ABCC10: variants seen among roughly 807,000 people sequenced by gnomAD.
ABCC10 encodes the protein ATP-binding cassette sub-family C member 10.
In ABCC10, 110 loss-of-function variants were observed where a neutral mutation model predicts 143.2. The ratio of observed to expected loss-of-function variants is 0.77; its 90% CI spans 0.66 to 0.90. The LOEUF (loss-of-function observed/expected upper bound fraction) is 0.90. Among genes scored for constraint, ABCC10 ranks in the 40% least tolerant of loss-of-function variants. ABCC10 has a pLI of 0.00. For synonymous variants in ABCC10, 805 were observed against 846.7 expected, an observed-to-expected ratio of 0.95 and a Z score of 0.85; for missense variants, 1,700 against 1,900.5, an observed-to-expected ratio of 0.89 and a Z score of 1.96.
chr6:43,445,996 G>A, intron 15 of ABCC10, 54 bp downstream of exon 15: 1 of 1,537,304 alleles, frequency 6.5e-7, no homozygotes, highest in Non-Finnish European at 8.8e-7. Context: ...GGAAAAGAGA[G>A]ACCCCCAAGA....
intron 6 of ABCC10, among the ~76,000 whole-genome samples, chr6:43,437,117 C>G (rs1188396626): frequency 2.6e-5 from 4 of 152,196 alleles, no homozygotes; most frequent in African/African-American, 4.8e-5. Context: ...CTGTGTGCCT[C>G]TCTCCCTGTA....
rs1377547969 is a variant in ABCC10, at chr6:43,433,012, T to C, written c.1032T>C (p.Tyr344=). The C allele has an allele frequency of 6.2e-7, 1 of 1,614,032 alleles. No individual in the cohort carries two copies. The highest frequency in any genetic ancestry group is 1.3e-5 in the African/African-American group (1 of 74,998). The change falls in exon 3 of 22, where the codon TAT becomes TAC. Residue 344 remains tyrosine (Y), a synonymous_variant. Transcript: ENST00000372530. ...AVLGAVLQNQ[Y]GYEVYKVTLQ... ...TGGGTGCTGTGCTGCAGAATCAGTA[T>C]GGGTATGAGGTATATAAGGTAACAC...
Position 43,427,989 on chromosome 6 carries a change from T to C in ABCC10, c.11T>C (p.Leu4Pro). The C allele has an allele frequency of 6.2e-7, 1 of 1,611,990 alleles. No individual in the cohort carries two copies. Among genetic ancestry groups the C allele is most frequent in the South Asian group, 1.1e-5 (1 of 90,890 alleles). The change falls in exon 2 of 22, where the codon CTT becomes CCT. Residue 4 changes from leucine to proline, a missense_variant. Physicochemically the swap from Leu to Pro is moderately conservative, Grantham distance 98. Transcript: ENST00000372530. Reference protein sequence around the residue: MERLLAQLCGSSAA... With the variant: MERPLAQLCGSSAA... The stretch of plus-strand genomic sequence containing the variant: ...TCAGGTGAGGCGTCCATGGAACGAC[T>C]TCTGGCCCAGCTGTGCGGCAGCAGC...
chr6:43,441,807 G>C (rs1782502471), intron 8 of ABCC10, 55 bp from the exon 9 acceptor site: 1 of 1,453,160 alleles, frequency 6.9e-7, no homozygotes, highest in South Asian at 1.2e-5. Context: ...GGGATAGGAA[G>C]TGGGCCAGAA....
At chr6:43,447,567 TCA>T (rs879899205) in intron 17 of ABCC10, 115 bp from the exon 18 acceptor site, 4 of 1,557,284 alleles carry the variant, frequency 2.6e-6, no homozygotes, top group Middle Eastern at 2.1e-4. Context: ...TCCCCATCTC[TCA>T]TTCTCTCATT....
At chr6:43,451,993 T>C (rs1783777998), downstream of ABCC10, 1 of 1,614,054 alleles carries the variant, frequency 6.2e-7, no homozygotes, top group South Asian at 1.1e-5. This position sits in a 1 kb window ranked among gnomAD's most constrained non-coding sequence, Gnocchi z 4.4. Context: ...CATGGAAGCC[T>C]GGTAAGCACA....
At position 43,445,608 on chromosome 6, in the gene ABCC10, A is replaced by C; in HGVS notation, c.3040A>C (p.Thr1014Pro). 6.2e-7 allele frequency: 1 copy of C among 1,609,200 alleles called. No individual in the cohort carries two copies. The highest frequency in any genetic ancestry group is 8.5e-7 in the Non-Finnish European group (1 of 1,176,242). Residue 1014 changes from threonine (T) to proline (P), a missense_variant, in exon 15 of 22, where the codon ACT (threonine) becomes CCT (proline). Transcript: ENST00000372530. ...AGCGTCCTTCTCCCAGGCACCAGTG[A>C]CTTTCTTCAATGCCACACCCACGGG... ...LLHRVLMAPV[T>P]FFNATPTGRI...
At chr6:43,432,083 G>C (rs78956665) in intron 2 of ABCC10, 59 bp from the exon 3 acceptor site, 3 of 1,585,938 alleles carry the variant, frequency 1.9e-6, no homozygotes, top group Non-Finnish European at 2.6e-6. Context: ...GAGGTGAGGG[G>C]TATGTCTGGC....
chr6:43,435,656 C>T (rs1781611810), intron 4 of ABCC10, 95 bp from the exon 5 acceptor site: 1 of 1,422,642 alleles, frequency 7.0e-7, no homozygotes, highest in African/African-American at 1.4e-5. Flanking sequence ...TGTCATTGCC[C>T]AGTTCTTCCC....
Position 43,428,285 on chromosome 6 carries a change from G to C in ABCC10, c.161+146G>C, listed in dbSNP as rs991362823. ...AAAATCTAAGCATTGCTACTTAGCA[G>C]CAATGTGGCTGTTCTTGGGCAAGTA... On this transcript the variant is annotated intron_variant, in intron 2 of 21. Transcript: ENST00000372530. 6 of 986,902 alleles carry C rather than the reference G, an allele frequency of 6.1e-6. No individual in the cohort carries two copies. In the African/African-American group the frequency reaches 9.9e-5, roughly 16 times the overall value. The allele number at this position is 986,902 out of a possible 1,614,324, so 61.1% of individuals were successfully genotyped here. A position where few individuals can be genotyped will look rare whatever the true frequency, so the allele number is the denominator to read the frequency against.
In ABCC10 at chr6:43,447,935, C is replaced by T; in HGVS notation, c.3957C>T (p.Leu1319=). ...VDTSQLELAQ[L]RSQLAIIPQE... The stretch of plus-strand genomic sequence containing the variant: ...CCAGCCAGCTGGAGCTGGCCCAGCT[C>T]AGGTCTGGGGGAGATGGACTTGGGA... Residue 1319 remains leucine, a splice_region_variant and synonymous_variant, in exon 18 of 22, where the codon CTC becomes CTT. Transcript: ENST00000372530. 1 of 1,612,810 alleles carries T rather than the reference C, an allele frequency of 6.2e-7. No individual in the cohort carries two copies. Among genetic ancestry groups the T allele is most frequent in the Non-Finnish European group, 8.5e-7 (1 of 1,179,970 alleles).
chr6:43,435,606 C>G, intron 4 of ABCC10, 145 bp from the exon 5 acceptor site: 1 of 916,536 alleles, frequency 1.1e-6, no homozygotes, highest in Non-Finnish European at 1.6e-6. Context: ...CCATCTCTGC[C>G]ACATCTGATC....
In ABCC10 at chr6:43,444,899, T is replaced by C. The variant is rs910998860; in HGVS notation, c.2801T>C (p.Phe934Ser). The change falls in exon 13 of 22, where the codon TTC becomes TCC. Residue 934 changes from phenylalanine to serine, a missense_variant. Transcript: ENST00000372530. ...PSTSPASMGL[F>S]SPQLLLFSPG... ...ACCAGCCCAGCTTCTATGGGGCTCT[T>C]CTCTCCGCAGCTGCTCCTCTTTTCC... 1 of 1,613,892 alleles carries C rather than the reference T, an allele frequency of 6.2e-7. No homozygotes were observed. The highest frequency in any genetic ancestry group is 8.5e-7 in the Non-Finnish European group (1 of 1,179,900).
chr6:43,438,497 CAT>C, intron 7 of ABCC10, 125 bp from the exon 8 acceptor site: 1 of 1,456,112 alleles, frequency 6.9e-7, no homozygotes, highest in Non-Finnish European at 9.0e-7. Context: ...CCATCTCAGT[CAT>C]GTGACATGAA....
Position 43,449,434 on chromosome 6 carries a change from G to T in ABCC10, c.4216G>T (p.Asp1406Tyr). Reference sequence around the variant, plus strand: ...TCCCATATTCCAGATCCTGTGTATCGATGAGGCCACAGCAAGTGTGGACCA... The same window carrying T: ...TCCCATATTCCAGATCCTGTGTATCTATGAGGCCACAGCAAGTGTGGACCA... Reference protein sequence around the residue: ...LLTDAKILCIDEATASVDQKT... With the variant: ...LLTDAKILCIYEATASVDQKT... Residue 1406 changes from aspartate to tyrosine, a missense_variant, in exon 21 of 22, where the codon GAT becomes TAT. Coordinates refer to ENST00000372530, the MANE Select transcript of ABCC10 (RefSeq NM_001198934.2). The T allele has an allele frequency of 6.2e-7, 1 of 1,612,734 alleles. No homozygotes were observed. The highest frequency in any genetic ancestry group is 8.5e-7 in the Non-Finnish European group (1 of 1,179,350).
chr6:43,448,738 G>A (rs748895141), intron 18 of ABCC10, 143 bp from the exon 19 acceptor site: 24 of 1,006,682 alleles, frequency 2.4e-5, no homozygotes, highest in African/African-American at 8.1e-5. Context: ...ATTTGGTGGG[G>A]ATGGGGTGGG....
chr6:43,440,077 C>G (rs1401114373), intron 8 of ABCC10, among the ~76,000 whole-genome samples: 1 of 152,118 alleles, frequency 6.6e-6, no homozygotes, highest in East Asian at 1.9e-4. Context: ...TTGCCTCAGC[C>G]TCCTGAGTAG....
At chr6:43,451,523 T>A (rs148489792), downstream of ABCC10, among the ~76,000 whole-genome samples, 1 of 151,712 alleles carries the variant, frequency 6.6e-6, no homozygotes, top group Non-Finnish European at 1.5e-5. The surrounding 1 kb of genome is among the most constrained non-coding windows in gnomAD (Gnocchi z 4.4). Flanking sequence ...GTAAGTGTGC[T>A]ATTATTATCC....
At chr6:43,437,852 GC>G in intron 6 of ABCC10, 81 bp from the exon 7 acceptor site, 2 of 1,396,482 alleles carry the variant, frequency 1.4e-6, no homozygotes. Flanking sequence ...AGGACTGGCA[GC>G]CCAGAGTGTC....
Sources: allele counts gnomAD v4.1 joint callset (sites outside exome capture counted in the v4.1 genomes callset), GRCh38; gene constraint gnomAD v4.1.1; non-coding constraint Gnocchi (gnomAD v3.1); transcripts MANE v1.5; gene names NCBI Gene and HGNC (gene_info 2026-07-23, HGNC 2026-07-21).